Variants in CTNNA3 observed in about 807,000 individuals in gnomAD.
CTNNA3 encodes the protein catenin alpha-3.
In CTNNA3, 76 loss-of-function variants were observed where a neutral mutation model predicts 95.7. That is an observed-to-expected ratio of 0.79 (90% CI 0.66 to 0.96). The LOEUF is 0.96. Among genes scored for constraint, CTNNA3 ranks in the 40% least tolerant of loss-of-function variants. The pLI is 0.00. For missense variants in CTNNA3, 1,191 were observed against 1,089.8 expected, an observed-to-expected ratio of 1.09 and a Z score of -1.31; for synonymous variants, 431 against 374.4, an observed-to-expected ratio of 1.15 and a Z score of -1.74.
At chr10:67,049,032 T>G (rs1589660526) in intron 7 of CTNNA3, among the ~76,000 whole-genome samples, 1 of 632 alleles carries the variant, frequency 1.6e-3, no homozygotes, top group African/African-American at 0.019. Context: ...GATAACTGGT[T>G]TTTTTTTTTT....
intron 10 of CTNNA3, among the ~76,000 whole-genome samples, chr10:66,559,974 G>A (rs1030397355): frequency 6.6e-6 from 1 of 151,822 alleles, no homozygotes; most frequent in Non-Finnish European, 1.5e-5. Flanking sequence ...TTAATCTGAC[G>A]CTCAACACAC....
At chr10:67,037,619 T>C (rs1257386809) in intron 7 of CTNNA3, among the ~76,000 whole-genome samples, 3 of 152,136 alleles carry the variant, frequency 2.0e-5, no homozygotes, top group Middle Eastern at 3.2e-3. Context: ...TGAAAAATGA[T>C]GAAAACCTGA....
intron 13 of CTNNA3, among the ~76,000 whole-genome samples, chr10:66,233,207 A>C (rs2089680689): frequency 2.0e-5 from 3 of 151,234 alleles, no homozygotes; most frequent in Admixed American, 2.0e-4. Flanking sequence ...GGTGTATGAT[A>C]CATTTAAATA....
chr10:67,026,417 T>A (rs1853392410), intron 7 of CTNNA3, among the ~76,000 whole-genome samples: 1 of 151,908 alleles, frequency 6.6e-6, no homozygotes, highest in Non-Finnish European at 1.5e-5. Context: ...ATAGAACTAA[T>A]GAATTGTATT....
chr10:66,928,791 C>G (rs1489625587), intron 7 of CTNNA3, among the ~76,000 whole-genome samples: 1 of 152,186 alleles, frequency 6.6e-6, no homozygotes, highest in Admixed American at 6.5e-5. Flanking sequence ...CCCCCACATT[C>G]GCTGTTAGCC....
intron 9 of CTNNA3, among the ~76,000 whole-genome samples, chr10:66,697,900 T>A (rs942320395): frequency 8.5e-5 from 13 of 152,172 alleles, no homozygotes; most frequent in African/African-American, 2.9e-4. Flanking sequence ...CTCAGGCCAA[T>A]GGTGGTCTCA....
At chr10:66,488,924 G>A (rs1271267084) in intron 11 of CTNNA3, among the ~76,000 whole-genome samples, 1 of 151,432 alleles carries the variant, frequency 6.6e-6, no homozygotes, top group African/African-American at 2.4e-5. Context: ...TTTTTGGTGT[G>A]TCAAAGATAA....
intron 2 of CTNNA3, among the ~76,000 whole-genome samples, chr10:67,642,641 C>T (rs1839576012): frequency 6.6e-6 from 1 of 151,936 alleles, no homozygotes; most frequent in Non-Finnish European, 1.5e-5. Context: ...CACTGAAACC[C>T]AGCAGGTAGA....
chr10:66,279,443 T>C (rs2091456228), intron 13 of CTNNA3, among the ~76,000 whole-genome samples: 1 of 152,104 alleles, frequency 6.6e-6, no homozygotes, highest in Admixed American at 6.6e-5. Flanking sequence ...GCCTGAGAAT[T>C]ACTTTCTTTG....
chr10:67,019,959 C>T (rs1441574613), intron 7 of CTNNA3, among the ~76,000 whole-genome samples: 2 of 152,084 alleles, frequency 1.3e-5, no homozygotes, highest in Non-Finnish European at 2.9e-5. Flanking sequence ...GTTTAATTTG[C>T]TTTAAATACC....
intron 7 of CTNNA3, among the ~76,000 whole-genome samples, chr10:67,067,429 T>C (rs1034535125): frequency 6.6e-6 from 1 of 152,198 alleles, no homozygotes; most frequent in African/African-American, 2.4e-5. Flanking sequence ...GCAAAGATAA[T>C]TACTTTGTCC....
intron 3 of CTNNA3, among the ~76,000 whole-genome samples, chr10:67,574,122 C>CTT (rs1481442303): frequency 2.0e-5 from 3 of 152,108 alleles, no homozygotes; most frequent in Non-Finnish European, 4.4e-5. Context: ...AAGCAATAAT[C>CTT]TTTTGCCCTG....
At chr10:66,004,129 A>G (rs1330937486) in intron 15 of CTNNA3, among the ~76,000 whole-genome samples, 1 of 152,258 alleles carries the variant, frequency 6.6e-6, no homozygotes, top group Non-Finnish European at 1.5e-5. Flanking sequence ...TAAATCTTGC[A>G]GTGAAAGCAT....
intron 11 of CTNNA3, among the ~76,000 whole-genome samples, chr10:66,426,923 C>A (rs1410943720): frequency 2.6e-5 from 4 of 151,714 alleles, no homozygotes; most frequent in Non-Finnish European, 4.4e-5. Context: ...TCTGTTTTTT[C>A]TCTTTGTGCT....
intron 7 of CTNNA3, among the ~76,000 whole-genome samples, chr10:66,793,478 A>AT (rs371944706): frequency 1.0e-3 from 154 of 148,780 alleles, no homozygotes; most frequent in African/African-American, 3.2e-3. Context: ...GGCTTCCAAT[A>AT]TTTTTTTTTT....
intron 12 of CTNNA3, among the ~76,000 whole-genome samples, chr10:66,333,048 G>T (rs1443818487): frequency 1.3e-5 from 2 of 151,954 alleles, no homozygotes; most frequent in Non-Finnish European, 2.9e-5. Flanking sequence ...ATGGTAGTTT[G>T]TATTTCTGTG....
chr10:67,372,085 T>C (rs1245502094), intron 5 of CTNNA3, among the ~76,000 whole-genome samples: 1 of 152,148 alleles, frequency 6.6e-6, no homozygotes, highest in Non-Finnish European at 1.5e-5. Flanking sequence ...GTTTTTTTTT[T>C]CTTGTAAATT....
chr10:66,539,413 G>A (rs78795640), intron 10 of CTNNA3, among the ~76,000 whole-genome samples: 3,703 of 152,224 alleles, frequency 0.024, 92 homozygotes, highest in East Asian at 0.058. Flanking sequence ...CTCTGGGTAG[G>A]TGGAGGAATG....
At chr10:66,811,609 A>G (rs957706081) in intron 7 of CTNNA3, among the ~76,000 whole-genome samples, 11 of 152,200 alleles carry the variant, frequency 7.2e-5, no homozygotes, top group African/African-American at 2.7e-4. Context: ...GCTCCCACTC[A>G]CAAAAATCCA....
Sources: gnomAD v4.1 joint callset for allele counts (sites outside exome capture counted in the v4.1 genomes callset) on GRCh38, gnomAD v4.1.1 for gene constraint, MANE v1.5 for transcripts, NCBI Gene and HGNC (gene_info 2026-07-23, HGNC 2026-07-21) for gene names.